RASSF4: variants seen among roughly 807,000 people sequenced by gnomAD.
The protein encoded by RASSF4 is Ras association domain family member 4.
In RASSF4, 38 loss-of-function variants were observed where a neutral mutation model predicts 41.1. The ratio of observed to expected loss-of-function variants is 0.92; its 90% CI spans 0.71 to 1.21. The LOEUF is 1.21. Ranked by LOEUF, RASSF4 falls within the 50% of genes most tolerant of loss-of-function variation. The probability of loss-of-function intolerance (pLI) is 0.00; values close to 1 mark genes in which losing one functional copy is unlikely to be tolerated. For missense variants in RASSF4, 414 were observed against 419.4 expected, an observed-to-expected ratio of 0.99 and a Z score of 0.11; for synonymous variants, 179 against 163.4, an observed-to-expected ratio of 1.10 and a Z score of -0.73.
rs887577908 is a variant in RASSF4 at position 44,989,304 on chromosome 10, G to A, written c.562G>A (p.Val188Met). The A allele has an allele frequency of 2.3e-5, 37 of 1,613,700 alleles. No homozygotes were observed. Among genetic ancestry groups the A allele is most frequent in the Non-Finnish European group, 2.5e-5 (30 of 1,179,760 alleles). Residue 188 changes from valine (V) to methionine (M), a missense_variant, in exon 7 of 11, where the codon GTG becomes ATG. Val to Met is a conservative substitution (Grantham distance 21). Transcript: ENST00000340258. The part of the protein sequence containing the change: ...TSVFTPAYGS[V>M]TNVRVNSTMT... Reference sequence around the variant, plus strand: ...CGTGTTTACTCCAGCCTATGGATCCGTGACCAATGTGAGGGTCAACAGCAC... The same window carrying A: ...CGTGTTTACTCCAGCCTATGGATCCATGACCAATGTGAGGGTCAACAGCAC...
chr10:44,967,039 T>G (rs1053629459), intron 1 of RASSF4, among the ~76,000 whole-genome samples: 2 of 152,216 alleles, frequency 1.3e-5, no homozygotes, highest in African/African-American at 4.8e-5. Flanking sequence ...TTGATTGGAT[T>G]ATGTATTGCA....
chr10:44,981,672 G>A (rs1410726175), intron 3 of RASSF4: 1 of 152,238 alleles, frequency 6.6e-6, no homozygotes, highest in Admixed American at 6.5e-5. Flanking sequence ...ACTCAGCTTG[G>A]CCAGGCTTAC....
At chr10:44,982,337 C>T in intron 3 of RASSF4, 184 bp from the exon 4 acceptor site, 2 of 735,142 alleles carry the variant, frequency 2.7e-6, no homozygotes, top group Non-Finnish European at 4.7e-6. Context: ...TCTCAGGCTC[C>T]CTCCCACAGG....
chr10:44,975,290 C>A (rs74875700), intron 3 of RASSF4, among the ~76,000 whole-genome samples: 3,633 of 152,258 alleles, frequency 0.024, 54 homozygotes, highest in East Asian at 0.048. Flanking sequence ...TCTCCGAAGG[C>A]CTGGCAGACC....
At chr10:44,987,504 G>A (rs182015865) in intron 6 of RASSF4, among the ~76,000 whole-genome samples, 7 of 151,974 alleles carry the variant, frequency 4.6e-5, no homozygotes, top group African/African-American at 1.2e-4. Flanking sequence ...GAAGCAGGTC[G>A]AGGTTGAGTC....
At chr10:44,963,317 A>G (rs976370518) in intron 1 of RASSF4, among the ~76,000 whole-genome samples, 2 of 152,068 alleles carry the variant, frequency 1.3e-5, no homozygotes, top group African/African-American at 4.8e-5. Flanking sequence ...CCTGCCATCT[A>G]CAACCAGACA....
At chr10:44,972,357 G>T (rs777660536) in intron 3 of RASSF4, among the ~76,000 whole-genome samples, 34 of 152,248 alleles carry the variant, frequency 2.2e-4, no homozygotes, top group Admixed American at 1.0e-3. Flanking sequence ...AGGCAGCGCA[G>T]GTGTGGGGAG....
chr10:44,965,294 C>G (rs996571451), intron 1 of RASSF4, among the ~76,000 whole-genome samples: 1 of 152,090 alleles, frequency 6.6e-6, no homozygotes, highest in Non-Finnish European at 1.5e-5. Flanking sequence ...GTAGATGAAG[C>G]CTCCCTCAAA....
intron 3 of RASSF4, chr10:44,977,627 G>GCT (rs747217711): frequency 2.5e-6 from 4 of 1,612,964 alleles, no homozygotes; most frequent in Non-Finnish European, 2.5e-6. Context: ...CTGTCTATGT[G>GCT]GACCCCAGAG....
chr10:44,991,299 C>T (rs1465627681), intron 9 of RASSF4: 1 of 416,348 alleles, frequency 2.4e-6, no homozygotes, highest in Admixed American at 3.8e-5. Flanking sequence ...CCTATAAAAC[C>T]ATGGCCTGTC....
At chr10:44,977,598 T>G in intron 3 of RASSF4, 12 of 1,613,318 alleles carry the variant, frequency 7.4e-6, no homozygotes, top group Non-Finnish European at 1.0e-5. Context: ...GGGGCCCCCA[T>G]GGGCTTGCTG....
At chr10:44,975,931 T>C (rs944896660) in intron 3 of RASSF4, among the ~76,000 whole-genome samples, 1 of 152,034 alleles carries the variant, frequency 6.6e-6, no homozygotes, top group African/African-American at 2.4e-5. Flanking sequence ...CGTTTCATGA[T>C]GCTTTGCAGA....
At chr10:44,986,813 C>T (rs1841936101) in intron 6 of RASSF4, among the ~76,000 whole-genome samples, 1 of 152,216 alleles carries the variant, frequency 6.6e-6, no homozygotes, top group Non-Finnish European at 1.5e-5. Context: ...GAACTGTGCA[C>T]CATTACTTCA....
intron 1 of RASSF4, among the ~76,000 whole-genome samples, chr10:44,967,125 C>G (rs1011690822): frequency 6.6e-6 from 1 of 152,196 alleles, no homozygotes; most frequent in Non-Finnish European, 1.5e-5. Flanking sequence ...AGGTTTATTT[C>G]TCCCTCTCAG....
At chr10:44,989,567 C>A in intron 7 of RASSF4, 103 bp from the exon 8 acceptor site, 2 of 1,126,962 alleles carry the variant, frequency 1.8e-6, no homozygotes, top group Non-Finnish European at 2.7e-6. Context: ...TTCCTTGCAA[C>A]TTGCGTGTGT....
intron 3 of RASSF4, among the ~76,000 whole-genome samples, chr10:44,975,975 G>C (rs556146008): frequency 6.6e-6 from 1 of 152,050 alleles, no homozygotes; most frequent in South Asian, 2.1e-4. Flanking sequence ...CAGCAAGCCC[G>C]GACCTCAACC....
chr10:44,984,792 T>C (rs1258137424), intron 5 of RASSF4, 21 bp from the exon 6 acceptor site: 24 of 1,612,276 alleles, frequency 1.5e-5, no homozygotes, highest in Non-Finnish European at 2.0e-5. Context: ...CCTGCCATTC[T>C]CTCACCCATT....
In RASSF4 at chr10:44,971,825, A is replaced by C. The variant is rs1345331728; in HGVS notation, c.115A>C (p.Ser39Arg). The C allele has an allele frequency of 1.2e-6, 2 of 1,612,032 alleles. No homozygotes were observed. The highest frequency in any genetic ancestry group is 1.7e-6 in the Non-Finnish European group (2 of 1,178,464). ...CTACAACTGCTACCATGAGGGCAAG[A>C]GCTTCCAGCTGAGACACCGTGAGGT... ...KTYNCYHEGK[S>R]FQLRHREEEG... is the part of the protein sequence containing the mutation. The change falls in exon 3 of 11, where the codon AGC (serine) becomes CGC (arginine). Residue 39 changes from serine (S) to arginine (R), a missense_variant. By Grantham distance (110) the Ser-to-Arg change is moderately radical. Coordinates refer to ENST00000340258, the MANE Select transcript of RASSF4 (RefSeq NM_032023.4).
At chr10:44,971,715 G>A in intron 2 of RASSF4, 58 bp from the exon 3 acceptor site, 1 of 1,365,542 alleles carries the variant, frequency 7.3e-7, no homozygotes, top group Non-Finnish European at 1.0e-6. Flanking sequence ...GAAGCCAAAG[G>A]CCAGAAGCTG....
Sources: allele counts gnomAD v4.1 joint callset (sites outside exome capture counted in the v4.1 genomes callset), GRCh38; gene constraint gnomAD v4.1.1; transcripts MANE v1.5; gene names NCBI Gene and HGNC (gene_info 2026-07-23, HGNC 2026-07-21).